Variants in BCL2L13 observed in about 807,000 individuals in gnomAD.
BCL2L13 encodes BCL2 like 13.
BCL2L13 carries 13 observed loss-of-function variants against 25.8 expected under a neutral mutation model. The ratio of observed to expected loss-of-function variants is 0.50; its 90% CI spans 0.33 to 0.80. The LOEUF (loss-of-function observed/expected upper bound fraction) is 0.80. BCL2L13 is among the 30% of genes least tolerant of loss of function. The pLI is 0.02. For missense variants in BCL2L13, 504 were observed against 574.9 expected (o/e 0.88, Z 1.26); for synonymous variants, 244 against 230.3 (o/e 1.06, Z -0.54).
At chr22:17,668,733 G>A (rs998747074) in intron 2 of BCL2L13, among the ~76,000 whole-genome samples, 1 of 152,160 alleles carries the variant, frequency 6.6e-6, no homozygotes, top group Non-Finnish European at 1.5e-5. Flanking sequence ...CCAAAGTGCT[G>A]GGATTACAGA....
intron 2 of BCL2L13, among the ~76,000 whole-genome samples, chr22:17,680,618 C>T (rs905353649): frequency 2.7e-5 from 4 of 147,896 alleles, no homozygotes; most frequent in African/African-American, 5.0e-5. Flanking sequence ...GCTGGCTCTC[C>T]GAGGGGAGTG....
At chr22:17,648,740 C>A (rs2058577791) in intron 1 of BCL2L13, among the ~76,000 whole-genome samples, 1 of 151,852 alleles carries the variant, frequency 6.6e-6, no homozygotes, top group South Asian at 2.1e-4. Flanking sequence ...TGATGAAATT[C>A]ATGATTAAGA....
intron 3 of BCL2L13, among the ~76,000 whole-genome samples, chr22:17,684,014 C>A (rs1047321622): frequency 6.6e-6 from 1 of 151,972 alleles, no homozygotes; most frequent in African/African-American, 2.4e-5. Context: ...GATTATTATT[C>A]CTTTTTTCAC....
chr22:17,682,403 G>T (rs1197752287), intron 2 of BCL2L13, among the ~76,000 whole-genome samples: 3 of 152,164 alleles, frequency 2.0e-5, no homozygotes. Context: ...TAAAATGCTA[G>T]AAGTATATCA....
At chr22:17,640,898 A>ATT (rs11443889) in intron 1 of BCL2L13, among the ~76,000 whole-genome samples, 76 of 145,836 alleles carry the variant, frequency 5.2e-4, no homozygotes, top group East Asian at 2.2e-3. Context: ...ATATATATAT[A>ATT]TTTTTTTTTT....
intron 4 of BCL2L13, among the ~76,000 whole-genome samples, chr22:17,689,432 A>G (rs1279731781): frequency 6.6e-6 from 1 of 152,192 alleles, no homozygotes; most frequent in African/African-American, 2.4e-5. Context: ...AAGCTATTTC[A>G]CTTCCCCAGA....
At chr22:17,708,824 G>T (rs1365350784) in intron 6 of BCL2L13, among the ~76,000 whole-genome samples, 2 of 152,156 alleles carry the variant, frequency 1.3e-5, no homozygotes, top group African/African-American at 4.8e-5. Flanking sequence ...TGTTAGAATG[G>T]TTCCGAGGCT....
intron 6 of BCL2L13, chr22:17,703,168 T>TACACACACACACACACACAC (rs1160059436): frequency 5.2e-5 from 7 of 135,256 alleles, no homozygotes; most frequent in African/African-American, 2.0e-4. Context: ...ACAAAATATA[T>TACACACACACACACACACAC]ATATACACAC....
At chr22:17,724,439 T>C (rs2061239255) in intron 6 of BCL2L13, among the ~76,000 whole-genome samples, 1 of 152,234 alleles carries the variant, frequency 6.6e-6, no homozygotes, top group Admixed American at 6.5e-5. Context: ...GTGGTCATAC[T>C]GTATTATTTT....
intron 2 of BCL2L13, among the ~76,000 whole-genome samples, chr22:17,663,537 A>G (rs1350085233): frequency 6.6e-6 from 1 of 152,134 alleles, no homozygotes; most frequent in Non-Finnish European, 1.5e-5. Context: ...ATCAGTATAT[A>G]CAGTTTTATG....
intron 2 of BCL2L13, 82 bp from the exon 3 acceptor site, chr22:17,683,132 C>G (rs1283629867): frequency 1.9e-6 from 1 of 531,734 alleles, no homozygotes; most frequent in Non-Finnish European, 3.1e-6. Context: ...GACTCCGTCT[C>G]AAAAAAAAAA....
At chr22:17,692,624 T>G (rs566320327) in intron 4 of BCL2L13, among the ~76,000 whole-genome samples, 1 of 152,336 alleles carries the variant, frequency 6.6e-6, no homozygotes, top group East Asian at 1.9e-4. Context: ...CTGTATACAT[T>G]TCATCATTAC....
At chr22:17,647,024 A>G (rs1174425763) in intron 1 of BCL2L13, among the ~76,000 whole-genome samples, 5 of 135,330 alleles carry the variant, frequency 3.7e-5, no homozygotes, top group Non-Finnish European at 7.6e-5. Flanking sequence ...CCCAGGCTGG[A>G]ATGCAGTGGC....
chr22:17,688,841 C>A, intron 3 of BCL2L13, 145 bp from the exon 4 acceptor site: 2 of 519,216 alleles, frequency 3.9e-6, no homozygotes, highest in East Asian at 4.4e-5. Flanking sequence ...GATCTTGGCT[C>A]ACCACAACCT....
intron 2 of BCL2L13, among the ~76,000 whole-genome samples, chr22:17,668,491 C>T (rs753947999): frequency 9.3e-5 from 14 of 150,042 alleles, no homozygotes; most frequent in Non-Finnish European, 1.6e-4. Flanking sequence ...CTCGCTCTGT[C>T]GCCCAGGCTG....
intron 6 of BCL2L13, among the ~76,000 whole-genome samples, chr22:17,711,172 C>G (rs536050628): frequency 1.3e-5 from 2 of 151,398 alleles, no homozygotes; most frequent in South Asian, 4.2e-4. Flanking sequence ...TAGTGAGTTA[C>G]GATTATGCCA....
At chr22:17,667,820 T>C (rs1568948795) in intron 2 of BCL2L13, among the ~76,000 whole-genome samples, 1 of 152,126 alleles carries the variant, frequency 6.6e-6, no homozygotes, top group Non-Finnish European at 1.5e-5. Context: ...TAAGAATTCT[T>C]TATATGTTTT....
chr22:17,634,807 G>C (rs991940151), upstream of BCL2L13, among the ~76,000 whole-genome samples: 10 of 151,964 alleles, frequency 6.6e-5, no homozygotes, highest in Admixed American at 1.3e-4. Context: ...AATTAGCCAG[G>C]CTTTCTGGTG....
chr22:17,704,919 CAT>C (rs1026224747), intron 6 of BCL2L13, among the ~76,000 whole-genome samples: 6 of 149,692 alleles, frequency 4.0e-5, no homozygotes, highest in African/African-American at 7.4e-5. Flanking sequence ...ATTCCTGAAA[CAT>C]AGTTAAACTG....
Sources: gnomAD v4.1 joint callset for allele counts (sites outside exome capture counted in the v4.1 genomes callset) on GRCh38, gnomAD v4.1.1 for gene constraint, MANE v1.5 for transcripts, NCBI Gene and HGNC (gene_info 2026-07-23, HGNC 2026-07-21) for gene names.